Variants in TRPM7 observed in about 807,000 individuals in gnomAD.
The protein encoded by TRPM7 is LTRPC ion channel family member 7.
In TRPM7, 134 loss-of-function variants were observed where a neutral mutation model predicts 229.7. The observed-to-expected ratio is 0.58, with a 90% CI of 0.51 to 0.67. TRPM7 has a LOEUF of 0.67. Ranked by LOEUF, TRPM7 falls within the 30% of genes least tolerant of loss-of-function variation. The pLI is 0.00. For missense variants in TRPM7, 1,901 were observed against 2,210.0 expected (o/e 0.86, Z 2.80); for synonymous variants, 699 against 715.2 (o/e 0.98, Z 0.36).
At chr15:50,683,585 T>G (rs939769728) in intron 1 of TRPM7, among the ~76,000 whole-genome samples, 3 of 151,820 alleles carry the variant, frequency 2.0e-5, no homozygotes, top group Non-Finnish European at 4.4e-5. Context: ...AATACAAAAA[T>G]TAGCCGGGTG....
intron 38 of TRPM7, among the ~76,000 whole-genome samples, chr15:50,569,191 C>T (rs2053754896): frequency 6.6e-6 from 1 of 152,078 alleles, no homozygotes; most frequent in Admixed American, 6.6e-5. Context: ...TGTGTCACTG[C>T]TCCTGGTAGG....
Position 50,609,902 on chromosome 15 carries a change from A to G in TRPM7, c.2340T>C (p.Ala780=). The change falls in exon 18 of 39, where the codon GCT becomes GCC. Residue 780 remains alanine, a synonymous_variant. Transcript: ENST00000646667. The part of the protein sequence containing the change: ...AILLLEYKTK[A]EMSHIPQSQD... ...GAGATTGTGGGATATGGGACATTTCAGCCTTAGTTTTATACTCTAACAGCA... is the reference window on the plus strand; with the variant it reads ...GAGATTGTGGGATATGGGACATTTCGGCCTTAGTTTTATACTCTAACAGCA... 6.2e-7 allele frequency: 1 copy of G among 1,613,018 alleles called. No individual in the cohort carries two copies.
chr15:50,609,920 T>C lies in TRPM7; in HGVS notation c.2322A>G (p.Leu774=), dbSNP rs1269237285. 3 of 1,610,806 alleles carry C rather than the reference T, an allele frequency of 1.9e-6. No homozygotes were observed. Among genetic ancestry groups the C allele is most frequent in the East Asian group, 4.5e-5 (2 of 44,770 alleles). The part of the protein sequence containing the change: ...SILVPPAILL[L]EYKTKAEMSH... ...ACATTTCAGCCTTAGTTTTATACTCTAACAGCAATATGGCAGGTGGAACTA... is the reference window on the plus strand; with the variant it reads ...ACATTTCAGCCTTAGTTTTATACTCCAACAGCAATATGGCAGGTGGAACTA... Residue 774 remains leucine, a synonymous_variant, in exon 18 of 39, where the codon TTA becomes TTG. Transcript: ENST00000646667.
At position 50,615,892 on chromosome 15, in the gene TRPM7, G is replaced by A. The variant is rs180866144; in HGVS notation, c.1495-1629C>T. Among the ~76,000 whole-genome samples, 158 of 151,960 alleles carry A rather than the reference G, an allele frequency of 1.0e-3. 2 individuals are homozygous for A. Among genetic ancestry groups the A allele is most frequent in the Admixed American group, 7.2e-4 (11 of 15,268 alleles). ...GCATGGGCAACAAAGGCGAAACTCC[G>A]TCTCAAAAAAATATATATATATTGG... On this transcript the variant is annotated intron_variant, in intron 13 of 38. Coordinates refer to ENST00000646667, the MANE Select transcript of TRPM7 (RefSeq NM_017672.6).
intron 13 of TRPM7, among the ~76,000 whole-genome samples, chr15:50,614,995 C>A (rs2060179569): frequency 6.6e-6 from 1 of 151,690 alleles, no homozygotes; most frequent in South Asian, 2.1e-4. Context: ...CATGGAGAAA[C>A]CCCGTCTCTA....
At chr15:50,686,410 G>A (rs2140998378) in intron 1 of TRPM7, 121 bp downstream of exon 1, 1 of 1,527,924 alleles carries the variant, frequency 6.5e-7, no homozygotes, top group Non-Finnish European at 9.0e-7. Context: ...AAGCCTCAAG[G>A]CAATTCGAGG....
intron 14 of TRPM7, 75 bp downstream of exon 14, chr15:50,614,048 G>A: frequency 7.0e-7 from 1 of 1,426,472 alleles, no homozygotes; most frequent in Non-Finnish European, 9.5e-7. Flanking sequence ...CCGTTCTAAT[G>A]TTAATTCTTA....
At position 50,619,593 on chromosome 15, in the gene TRPM7, C is replaced by G. The variant is rs1392208082; in HGVS notation, c.1494+152G>C. On this transcript the variant is annotated intron_variant, in intron 13 of 38. Transcript: ENST00000646667. The stretch of plus-strand genomic sequence containing the variant: ...CATTATGCTCTTTACTCCTCTCTTA[C>G]CACAAATTCAGCCCATATTTTATCT... 1.6e-5 allele frequency: 10 copies of G among 640,844 alleles called. No individual in the cohort carries two copies. The South Asian group carries it at 2.5e-4, about 16-fold the overall frequency. The allele number at this position is 640,844 out of a possible 1,614,324, so 39.7% of individuals were successfully genotyped here.
At chr15:50,611,823 C>T (rs1485095699) in intron 16 of TRPM7, among the ~76,000 whole-genome samples, 2 of 152,140 alleles carry the variant, frequency 1.3e-5, no homozygotes, top group South Asian at 2.1e-4. Flanking sequence ...CTTGGGGAGC[C>T]GGAGGTCTTA....
intron 2 of TRPM7, among the ~76,000 whole-genome samples, chr15:50,659,284 G>T (rs766085166): frequency 4.6e-5 from 7 of 151,984 alleles, no homozygotes; most frequent in Non-Finnish European, 8.8e-5. Context: ...GGGGGAAGGG[G>T]GATAATCATC....
chr15:50,637,616 G>A, intron 6 of TRPM7, 23 bp from the exon 7 acceptor site: 1 of 1,600,216 alleles, frequency 6.2e-7, no homozygotes, highest in Non-Finnish European at 8.5e-7. Flanking sequence ...AAACAAAAGA[G>A]TTAGTGAGCA....
chr15:50,614,407 G>GT, intron 13 of TRPM7, 144 bp from the exon 14 acceptor site: 1 of 714,032 alleles, frequency 1.4e-6, no homozygotes, highest in Non-Finnish European at 2.1e-6. Context: ...GCTCACGCCT[G>GT]TAATCCCAAC....
chr15:50,643,314 T>C lies in TRPM7; in HGVS notation c.535+26A>G, dbSNP rs188038682. On this transcript the variant is annotated intron_variant, in intron 5 of 38. Coordinates refer to ENST00000646667, the MANE Select transcript of TRPM7 (RefSeq NM_017672.6). ...AAAAAAAAAATTAAAACACACTAAATAAAATTGGTATAATCATCACATTAC... is the reference window on the plus strand; with the variant it reads ...AAAAAAAAAATTAAAACACACTAAACAAAATTGGTATAATCATCACATTAC... 35 of 1,581,314 alleles carry C rather than the reference T, an allele frequency of 2.2e-5. No individual in the cohort carries two copies. In the Admixed American group the frequency reaches 5.9e-4, roughly 27 times the overall value.
intron 1 of TRPM7, among the ~76,000 whole-genome samples, chr15:50,685,237 C>T (rs1596361853): frequency 6.6e-6 from 1 of 152,128 alleles, no homozygotes; most frequent in Non-Finnish European, 1.5e-5. Flanking sequence ...CTGAGGCGGG[C>T]GGATCACCTG....
In TRPM7 at chr15:50,632,798, G is replaced by A. The variant is rs2292175; in HGVS notation, c.1131+71C>T. 697,985 of 1,372,884 alleles carry A rather than the reference G, an allele frequency of 0.51. 178,930 individuals carry two copies. The highest frequency in any genetic ancestry group is 0.57 in the Admixed American group (21,017 of 36,870). 85.0% of individuals were successfully genotyped at this position (1,372,884 alleles called of 1,614,324 possible). ...AAATAAAAACAAAAGTATTTCACCA[G>A]TTTAGAATGTGTTTTGAATGAAAGA... On this transcript the variant is annotated intron_variant, in intron 9 of 38. Transcript: ENST00000646667.
In TRPM7 at chr15:50,640,887, G is replaced by A. The variant is rs543136739; in HGVS notation, c.536-1339C>T. On this transcript the variant is annotated intron_variant, in intron 5 of 38. Coordinates refer to ENST00000646667, the MANE Select transcript of TRPM7 (RefSeq NM_017672.6). ...GATGACCATGTGCAAGCCAAAGAGA[G>A]AGGCCCCAAGATAAACCAAATCTGC... Among the ~76,000 whole-genome samples the A allele has an allele frequency of 2.6e-5, 4 of 152,286 alleles. No homozygotes were observed. In the South Asian group the frequency reaches 8.3e-4, roughly 32 times the overall value.
chr15:50,674,868 A>T (rs544602664), intron 1 of TRPM7, among the ~76,000 whole-genome samples: 19 of 152,138 alleles, frequency 1.2e-4, no homozygotes, highest in Admixed American at 9.2e-4. Context: ...CCTCTACTAC[A>T]TCCCATAGTT....
At chr15:50,675,194 T>A (rs1256040285) in intron 1 of TRPM7, among the ~76,000 whole-genome samples, 1 of 151,984 alleles carries the variant, frequency 6.6e-6, no homozygotes, top group Non-Finnish European at 1.5e-5. Context: ...AATATAAAAA[T>A]TAGCTGGGCA....
In TRPM7 at chr15:50,664,517, G is replaced by A. The variant is rs577630553; in HGVS notation, c.4-1471C>T. Among the ~76,000 whole-genome samples, 38 of 152,150 alleles carry A rather than the reference G, an allele frequency of 2.5e-4. No individual in the cohort carries two copies. The South Asian group carries it at 6.2e-3, about 25-fold the overall frequency. On this transcript the variant is annotated intron_variant, in intron 1 of 38. Transcript: ENST00000646667. ...AGGGATAGAGAAGGTTATTACAAACGTTAAATCTGCCAGATTGCTATTATA... is the reference window on the plus strand; with the variant it reads ...AGGGATAGAGAAGGTTATTACAAACATTAAATCTGCCAGATTGCTATTATA...
Sources: gnomAD v4.1 joint callset for allele counts (sites outside exome capture counted in the v4.1 genomes callset) on GRCh38, gnomAD v4.1.1 for gene constraint, MANE v1.5 for transcripts, NCBI Gene and HGNC (gene_info 2026-07-23, HGNC 2026-07-21) for gene names.